Variants in PRMT7 observed in about 807,000 individuals in gnomAD.
PRMT7 encodes the protein protein arginine N-methyltransferase 7.
Under a neutral mutation model 85.4 loss-of-function variants are expected in PRMT7, and 75 were observed. The observed-to-expected ratio is 0.88, with a 90% CI of 0.73 to 1.06. The LOEUF (loss-of-function observed/expected upper bound fraction) is 1.06, where lower values mean the gene tolerates loss of function less well. Ranked by LOEUF, PRMT7 falls within the 50% of genes least tolerant of loss-of-function variation. The pLI is 0.00. For missense variants in PRMT7, 868 were observed against 915.2 expected (o/e 0.95, Z 0.67); for synonymous variants, 397 against 359.5 (o/e 1.10, Z -1.18).
At chr16:68,321,377 G>T in intron 3 of PRMT7, 49 bp from the exon 4 acceptor site, 1 of 1,446,428 alleles carries the variant, frequency 6.9e-7, no homozygotes, top group East Asian at 2.3e-5. Flanking sequence ...GAATACTCTT[G>T]TGTGTTGATG....
In PRMT7 at chr16:68,357,086, G is replaced by A. The variant is rs1334127786; in HGVS notation, c.1941G>A (p.Gln647=). Residue 647 remains glutamine, a synonymous_variant, in exon 19 of 19, where the codon CAG becomes CAA. Coordinates refer to ENST00000441236, the MANE Select transcript of PRMT7 (RefSeq NM_019023.5). The stretch of plus-strand genomic sequence containing the variant: ...GCTGCTGGAACCCCCACTGCAAGCA[G>A]GCCGTCTACTTCTTCAGCCCTGCCC... ...GGCCWNPHCK[Q]AVYFFSPAPD... 1 of 1,612,526 alleles carries A rather than the reference G, an allele frequency of 6.2e-7. No individual in the cohort carries two copies. The highest frequency in any genetic ancestry group is 1.3e-5 in the African/African-American group (1 of 74,908).
At chr16:68,344,957 CGGG>C (rs1567713155) in intron 9 of PRMT7, among the ~76,000 whole-genome samples, 68 of 127,544 alleles carry the variant, frequency 5.3e-4, no homozygotes, top group African/African-American at 1.6e-3. Context: ...CACACACACA[CGGG>C]CATGCACATT....
At chr16:68,327,498 G>C (rs1167876337) in intron 5 of PRMT7, among the ~76,000 whole-genome samples, 2 of 152,144 alleles carry the variant, frequency 1.3e-5, no homozygotes, top group African/African-American at 4.8e-5. Flanking sequence ...GGAAGGCTCA[G>C]TGATCATGAG....
intron 6 of PRMT7, among the ~76,000 whole-genome samples, chr16:68,335,897 C>T (rs2084617075): frequency 6.6e-6 from 1 of 152,026 alleles, no homozygotes; most frequent in Non-Finnish European, 1.5e-5. Context: ...CTGCCTCAGC[C>T]TCTCAAGTAG....
chr16:68,311,209 C>T (rs148730944), intron 1 of PRMT7, 110 bp downstream of exon 1: 1 of 547,802 alleles, frequency 1.8e-6, no homozygotes, highest in Non-Finnish European at 3.3e-6. Flanking sequence ...CGTGGGCCTA[C>T]TTGGACTCCT....
At chr16:68,355,916 G>A in intron 17 of PRMT7, 33 bp downstream of exon 17, 1 of 1,521,340 alleles carries the variant, frequency 6.6e-7, no homozygotes, top group Non-Finnish European at 8.8e-7. Context: ...GGCAGGGAGG[G>A]GCTGCTGCTT....
chr16:68,311,873 A>G (rs2043791394), intron 1 of PRMT7, 169 bp from the exon 2 acceptor site: 2 of 152,030 alleles, frequency 1.3e-5, no homozygotes, highest in South Asian at 4.2e-4. Flanking sequence ...CGCTCTGTGT[A>G]TTTCTTGCAT....
At chr16:68,356,107 C>G (rs1262084425) in intron 17 of PRMT7, among the ~76,000 whole-genome samples, 1 of 152,216 alleles carries the variant, frequency 6.6e-6, no homozygotes, top group Non-Finnish European at 1.5e-5. Context: ...CTCTGCTCCC[C>G]CTCTACAGCT....
chr16:68,353,665 G>A, intron 16 of PRMT7, 99 bp downstream of exon 16: 2 of 1,152,722 alleles, frequency 1.7e-6, no homozygotes, highest in South Asian at 3.5e-5. Context: ...CTTCTGTTGG[G>A]GGCAGTGAGG....
intron 2 of PRMT7, chr16:68,315,311 C>G (rs534083661): frequency 3.9e-5 from 6 of 152,600 alleles, no homozygotes; most frequent in Admixed American, 3.3e-4. Flanking sequence ...ACGTATCACT[C>G]CATTTTGCAT....
At position 68,339,792 on chromosome 16, in the gene PRMT7, G is replaced by A. The variant is rs770775042; in HGVS notation, c.751G>A (p.Asp251Asn). Residue 251 changes from aspartate (D) to asparagine (N), a missense_variant, in exon 9 of 19, where the codon GAC (aspartate) becomes AAC (asparagine). Coordinates refer to ENST00000441236, the MANE Select transcript of PRMT7 (RefSeq NM_019023.5). Reference protein sequence around the residue: ...LSDVLPMFSIDFSKQVSSSAA... With the variant: ...LSDVLPMFSINFSKQVSSSAA... ...TTCTTGAATATTATTCCTCAGCATA[G>A]ACTTCAGCAAGCAAGTCAGTAGCTC... 3 of 1,613,234 alleles carry A rather than the reference G, an allele frequency of 1.9e-6. No individual in the cohort carries two copies. The highest frequency in any genetic ancestry group is 1.7e-5 in the Admixed American group (1 of 60,028).
chr16:68,334,185 T>C (rs565492244), intron 6 of PRMT7, among the ~76,000 whole-genome samples: 1 of 152,342 alleles, frequency 6.6e-6, no homozygotes, highest in Non-Finnish European at 1.5e-5. Flanking sequence ...GGTCATGCAC[T>C]GCGTGGGTTG....
chr16:68,355,571 G>T (rs565072980), intron 16 of PRMT7, 152 bp from the exon 17 acceptor site: 6 of 732,238 alleles, frequency 8.2e-6, no homozygotes, highest in Non-Finnish European at 1.2e-5. Flanking sequence ...GTGGCAGAGA[G>T]GGGGCGCCGC....
At chr16:68,349,295 C>G (rs2086912096) in intron 14 of PRMT7, among the ~76,000 whole-genome samples, 1 of 151,258 alleles carries the variant, frequency 6.6e-6, no homozygotes, top group Non-Finnish European at 1.5e-5. Context: ...CTACTGCATC[C>G]TCTCTGGTAA....
chr16:68,350,711 G>A (rs1354912026), intron 14 of PRMT7, among the ~76,000 whole-genome samples: 2 of 152,166 alleles, frequency 1.3e-5, no homozygotes, highest in East Asian at 1.9e-4. Context: ...TTACCCATTG[G>A]CAGTCATGCA....
chr16:68,350,021 G>A (rs2087047438), intron 14 of PRMT7, among the ~76,000 whole-genome samples: 1 of 152,370 alleles, frequency 6.6e-6, no homozygotes, highest in Non-Finnish European at 1.5e-5. Flanking sequence ...TCCAGTATGT[G>A]CCTCTTCTGG....
intron 9 of PRMT7, among the ~76,000 whole-genome samples, chr16:68,344,939 C>CACACACACACACAT (rs1483291530): frequency 1.4e-5 from 2 of 140,550 alleles, no homozygotes; most frequent in East Asian, 2.1e-4. Flanking sequence ...TCTCTACACA[C>CACACACACACACAT]ACACACACAC....
At chr16:68,330,382 A>G (rs751377425) in intron 6 of PRMT7, among the ~76,000 whole-genome samples, 46 of 152,140 alleles carry the variant, frequency 3.0e-4, no homozygotes, top group Non-Finnish European at 5.9e-4. Flanking sequence ...GCTGGACTCA[A>G]ACTCTTATGC....
chr16:68,339,284 C>A, intron 7 of PRMT7, 38 bp from the exon 8 acceptor site: 1 of 1,609,898 alleles, frequency 6.2e-7, no homozygotes, highest in Non-Finnish European at 8.5e-7. Flanking sequence ...GTCTAAGCAT[C>A]TGATTTTTGT....
Sources: allele counts gnomAD v4.1 joint callset (sites outside exome capture counted in the v4.1 genomes callset), GRCh38; gene constraint gnomAD v4.1.1; transcripts MANE v1.5; gene names NCBI Gene and HGNC (gene_info 2026-07-23, HGNC 2026-07-21).